The following MAPK8IP3 variants were observed in gnomAD, a reference collection of about 807,000 sequenced individuals.
MAPK8IP3 encodes C-Jun-amino-terminal kinase-interacting protein 3.
A neutral mutation model predicts 157.8 loss-of-function variants in MAPK8IP3; 49 were observed. That is an observed-to-expected ratio of 0.31 (90% confidence interval 0.25 to 0.39). MAPK8IP3 has a LOEUF of 0.39. MAPK8IP3 is among the 10% of genes least tolerant of loss of function. The probability of loss-of-function intolerance (pLI) is 1.00; values close to 1 mark genes in which losing one functional copy is unlikely to be tolerated. For missense variants in MAPK8IP3, 1,478 were observed against 1,889.4 expected, an observed-to-expected ratio of 0.78 and a Z score of 4.04; for synonymous variants, 897 against 777.7, an observed-to-expected ratio of 1.15 and a Z score of -2.55.
At chr16:1,737,693 ACCAT>A (rs1253683855) in intron 4 of MAPK8IP3, among the ~76,000 whole-genome samples, 1 of 73,754 alleles carries the variant, frequency 1.4e-5, no homozygotes, top group African/African-American at 6.0e-5. Context: ...TCCGTGTGTG[ACCAT>A]CCATGTGAGC....
intron 16 of MAPK8IP3, among the ~76,000 whole-genome samples, chr16:1,763,277 G>C (rs544842612): frequency 6.6e-6 from 1 of 152,254 alleles, no homozygotes; most frequent in Non-Finnish European, 1.5e-5. Flanking sequence ...TGGGCTCCAC[G>C]GTGGCCTCTG....
At chr16:1,723,263 G>A (rs1369386735) in intron 1 of MAPK8IP3, among the ~76,000 whole-genome samples, 1 of 151,424 alleles carries the variant, frequency 6.6e-6, no homozygotes, top group African/African-American at 2.4e-5. Context: ...TCGAACTCCT[G>A]AGCTCACATG....
intron 19 of MAPK8IP3, 79 bp downstream of exon 19, chr16:1,764,538 A>G: frequency 2.0e-6 from 3 of 1,534,268 alleles, no homozygotes; most frequent in Non-Finnish European, 2.6e-6. Context: ...GCTGGGAGTG[A>G]GACACAGGAC....
chr16:1,735,736 A>T (rs1341941081), intron 4 of MAPK8IP3, among the ~76,000 whole-genome samples: 2 of 95,400 alleles, frequency 2.1e-5, no homozygotes, highest in Admixed American at 1.2e-4. Flanking sequence ...TCCATGTGAG[A>T]GTGTGACCGT....
chr16:1,766,096 C>T lies in MAPK8IP3; in HGVS notation c.2583C>T (p.Ser861=). Residue 861 remains serine (S), a synonymous_variant, in exon 21 of 32, where the codon AGC becomes AGT. Coordinates refer to ENST00000610761, the MANE Select transcript of MAPK8IP3 (RefSeq NM_001318852.2). The part of the protein sequence containing the change: ...GCATRCNVPR[S]NCSSRGDTPV... ...CCACCCGCTGCAACGTGCCGCGGAGCAACTGCTCCTCCCGAGGGGACACCC... is the reference window on the plus strand; with the variant it reads ...CCACCCGCTGCAACGTGCCGCGGAGTAACTGCTCCTCCCGAGGGGACACCC... The T allele has an allele frequency of 6.2e-7, 1 of 1,612,732 alleles. No individual in the cohort carries two copies. The highest frequency in any genetic ancestry group is 8.5e-7 in the Non-Finnish European group (1 of 1,179,898).
In MAPK8IP3 at chr16:1,760,629, G is replaced by T. The variant is rs1054540985; in HGVS notation, c.1457+97G>T. ...CAGTGCCTGCTCTCCAGCCTGAGCG[G>T]CTCTGTGCATAGCCTACCTACCTCC... On this transcript the variant is annotated intron_variant, in intron 12 of 31. Transcript: ENST00000610761. The T allele has an allele frequency of 3.4e-6, 5 of 1,453,772 alleles. No individual in the cohort carries two copies. The African/African-American group carries it at 5.6e-5, about 16-fold the overall frequency. The allele number at this position is 1,453,772 out of a possible 1,614,324, so 90.1% of individuals were successfully genotyped here.
chr16:1,753,151 C>T (rs1025039811), intron 8 of MAPK8IP3, among the ~76,000 whole-genome samples: 5 of 152,200 alleles, frequency 3.3e-5, no homozygotes, highest in South Asian at 2.1e-4. Context: ...TCTACGTGGG[C>T]GGCCCTGCAC....
rs2041842189 is a variant in MAPK8IP3 at position 1,759,995 on chromosome 16, C to T, written c.1284C>T (p.Asn428=). The T allele has an allele frequency of 6.2e-7, 1 of 1,614,094 alleles. No homozygotes were observed. Among genetic ancestry groups the T allele is most frequent in the African/African-American group, 1.3e-5 (1 of 74,952 alleles). The part of the protein sequence containing the change: ...GKEVGNLLLE[N]SQLLETKNAL... Reference sequence around the variant, plus strand: ...AAGTGGGGAATCTGCTACTGGAAAACTCACAGCTTCTGGAAACCAAGTAAG... The same window carrying T: ...AAGTGGGGAATCTGCTACTGGAAAATTCACAGCTTCTGGAAACCAAGTAAG... Residue 428 remains asparagine (N), a synonymous_variant, in exon 11 of 32, where the codon AAC becomes AAT. Coordinates refer to ENST00000610761, the MANE Select transcript of MAPK8IP3 (RefSeq NM_001318852.2).
Position 1,766,569 on chromosome 16 carries a change from G to A in MAPK8IP3, c.2860G>A (p.Glu954Lys), listed in dbSNP as rs1192537296. 1.2e-6 allele frequency: 2 copies of A among 1,612,146 alleles called. No individual in the cohort carries two copies. Among genetic ancestry groups the A allele is most frequent in the Admixed American group, 3.3e-5 (2 of 60,016 alleles). ...PEPDSSSTRP[E>K]PEPSGDPTGA... Reference sequence around the variant, plus strand: ...GCCTGACAGCAGCAGCACACGGCCAGAGCCAGAGCCCAGCGGGGACCCCAC... The same window carrying A: ...GCCTGACAGCAGCAGCACACGGCCAAAGCCAGAGCCCAGCGGGGACCCCAC... Residue 954 changes from glutamate to lysine, a missense_variant, in exon 23 of 32, where the codon GAG becomes AAG. This residue lies in a region of MAPK8IP3 where 669 missense variants were observed against 759.8 expected (regional missense o/e 0.88). Transcript: ENST00000610761.
chr16:1,706,814 C>T lies in MAPK8IP3; in HGVS notation c.318+157C>T, dbSNP rs1216328461. On this transcript the variant is annotated intron_variant, in intron 1 of 31. Transcript: ENST00000610761. This position sits in a 1 kb window ranked among gnomAD's most constrained non-coding sequence, Gnocchi z 5.1. ...GACCCCGCCCCGAGACCCGCCTGGA[C>T]CCCATATCCCCCGCCCCGGGACTTC... 2.2e-5 allele frequency among the ~76,000 whole-genome samples: 3 copies of T among 139,496 alleles called. No homozygotes were observed. The highest frequency in any genetic ancestry group is 8.1e-5 in the African/African-American group (3 of 37,084). 91.5% of individuals were successfully genotyped at this position (139,496 alleles called of 152,430 possible).
intron 4 of MAPK8IP3, among the ~76,000 whole-genome samples, chr16:1,732,239 G>C (rs371613618): frequency 1.3e-3 from 205 of 152,304 alleles, no homozygotes; most frequent in African/African-American, 4.8e-3. Context: ...GCAGCTGGAA[G>C]GGGGGAAGCC....
intron 1 of MAPK8IP3, among the ~76,000 whole-genome samples, chr16:1,709,445 T>G (rs2037614610): frequency 1.3e-5 from 2 of 152,238 alleles, no homozygotes; most frequent in African/African-American, 2.4e-5. Flanking sequence ...GCACCATCAC[T>G]GGCTGTTGGT....
Position 1,718,703 on chromosome 16 carries a change from G to T in MAPK8IP3, c.319-5854G>T, listed in dbSNP as rs544578352. 2.0e-5 allele frequency among the ~76,000 whole-genome samples: 3 copies of T among 151,474 alleles called. No individual in the cohort carries two copies. In the South Asian group the frequency reaches 6.3e-4, roughly 32 times the overall value. ...CAGCTAGTCAGAGGCCGAGGCAGGA[G>T]AATCGCTTGAACCTGGGAGATGGAG... On this transcript the variant is annotated intron_variant, in intron 1 of 31. Coordinates refer to ENST00000610761, the MANE Select transcript of MAPK8IP3 (RefSeq NM_001318852.2).
At chr16:1,755,658 C>T (rs1163361078) in intron 8 of MAPK8IP3, among the ~76,000 whole-genome samples, 1 of 151,844 alleles carries the variant, frequency 6.6e-6, no homozygotes, top group Non-Finnish European at 1.5e-5. Context: ...ACCATCTTGG[C>T]CAACATGGTG....
rs937061045 is a variant in MAPK8IP3 at position 1,724,514 on chromosome 16, A to C, written c.319-43A>C. 1 of 1,599,188 alleles carries C rather than the reference A, an allele frequency of 6.3e-7. No individual in the cohort carries two copies. The highest frequency in any genetic ancestry group is 8.5e-7 in the Non-Finnish European group (1 of 1,171,674). ...TTCAAGTGAAAGGCGGCTGCTCCAC[A>C]CTCACTCCTGATGACTGCTCTTTCC... On this transcript the variant is annotated intron_variant, in intron 1 of 31. Transcript: ENST00000610761. This position sits in a 1 kb window ranked among gnomAD's most constrained non-coding sequence, Gnocchi z 4.1.
rs1167503594 is a variant in MAPK8IP3 at position 1,729,138 on chromosome 16, T to A, written c.440T>A (p.Ile147Asn). Residue 147 changes from isoleucine to asparagine, a missense_variant and splice_region_variant, in exon 3 of 32, where the codon ATT becomes AAT. Transcript: ENST00000610761. ...CTCAGACAGTGATTGTGTTTTCCAGTTTCCCGGTTGGAGGAGCGGGAGTCG... is the reference window on the plus strand; with the variant it reads ...CTCAGACAGTGATTGTGTTTTCCAGATTCCCGGTTGGAGGAGCGGGAGTCG... ...ELKAKNYADQISRLEERESEM... is the reference protein window; with the variant it reads ...ELKAKNYADQNSRLEERESEM... 6.2e-7 allele frequency: 1 copy of A among 1,613,958 alleles called. No homozygotes were observed. Among genetic ancestry groups the A allele is most frequent in the Non-Finnish European group, 8.5e-7 (1 of 1,179,856 alleles).
rs2042074354 is a variant in MAPK8IP3 at position 1,763,562 on chromosome 16, G to T, written c.1899-95G>T. Reference sequence around the variant, plus strand: ...GAAAAGGCGAGGATGGGCCCAGGCGGGCCTCCCTGCCGTGACCTCCCCCAG... The same window carrying T: ...GAAAAGGCGAGGATGGGCCCAGGCGTGCCTCCCTGCCGTGACCTCCCCCAG... On this transcript the variant is annotated intron_variant, in intron 16 of 31. Transcript: ENST00000610761. The T allele has an allele frequency of 2.2e-6, 3 of 1,365,760 alleles. No individual in the cohort carries two copies. In the African/African-American group the frequency reaches 4.5e-5, roughly 21 times the overall value. 84.6% of individuals were successfully genotyped at this position (1,365,760 alleles called of 1,614,324 possible).
At position 1,765,278 on chromosome 16, in the gene MAPK8IP3, C is replaced by T. The variant is rs556672893; in HGVS notation, c.2446+100C>T. 19 of 1,361,328 alleles carry T rather than the reference C, an allele frequency of 1.4e-5. No individual in the cohort carries two copies. The East Asian group carries it at 3.8e-4, about 27-fold the overall frequency. 84.3% of individuals were successfully genotyped at this position (1,361,328 alleles called of 1,614,324 possible). A position where few individuals can be genotyped will look rare whatever the true frequency, so the allele number is the denominator to read the frequency against. On this transcript the variant is annotated intron_variant, in intron 20 of 31. Coordinates refer to ENST00000610761, the MANE Select transcript of MAPK8IP3 (RefSeq NM_001318852.2). ...CACAGCAGCTGCCTTCTCGGGGTGTCCTGTGGACACGGGAATGTGGCAGTG... is the reference window on the plus strand; with the variant it reads ...CACAGCAGCTGCCTTCTCGGGGTGTTCTGTGGACACGGGAATGTGGCAGTG...
At chr16:1,725,306 G>A (rs1284673317) in intron 2 of MAPK8IP3, among the ~76,000 whole-genome samples, 1 of 151,108 alleles carries the variant, frequency 6.6e-6, no homozygotes, top group Non-Finnish European at 1.5e-5. Context: ...ATACTGCCGT[G>A]TGGGCACACA....
Sources: allele counts gnomAD v4.1 joint callset (sites outside exome capture counted in the v4.1 genomes callset), GRCh38; gene constraint gnomAD v4.1.1; regional missense constraint gnomAD v4.1.1; non-coding constraint Gnocchi (gnomAD v3.1); transcripts MANE v1.5; gene names NCBI Gene and HGNC (gene_info 2026-07-23, HGNC 2026-07-21).